Variants in CFTR observed in about 807,000 individuals in gnomAD.
The protein encoded by CFTR is CF transmembrane conductance regulator.
CFTR carries 181 observed loss-of-function variants against 171.6 expected under a neutral mutation model. That is an observed-to-expected ratio of 1.05 (90% CI 0.93 to 1.19). The LOEUF (loss-of-function observed/expected upper bound fraction) is 1.19, where lower values mean the gene tolerates loss of function less well. CFTR is among the 50% of genes most tolerant of loss of function. CFTR has a pLI of 0.00. For synonymous variants in CFTR, 583 were observed against 608.0 expected, an observed-to-expected ratio of 0.96 and a Z score of 0.60; for missense variants, 1,968 against 1,734.7, an observed-to-expected ratio of 1.13 and a Z score of -2.39.
rs1469024267 is a variant in CFTR at position 117,587,797 on chromosome 7, T to C, written c.1643T>C (p.Leu548Pro). The C allele has an allele frequency of 6.2e-7, 1 of 1,611,328 alleles. No individual in the cohort carries two copies. The highest frequency in any genetic ancestry group is 8.5e-7 in the Non-Finnish European group (1 of 1,177,676). Residue 548 changes from leucine (L) to proline (P), a missense_variant, in exon 12 of 27, where the codon CTG becomes CCG. Physicochemically the swap from Leu to Pro is moderately conservative, Grantham distance 98 (BLOSUM62 -3). Coordinates refer to ENST00000003084, the MANE Select transcript of CFTR (RefSeq NM_000492.4). Reference protein sequence around the residue: ...NIVLGEGGITLSGGQRARISL... With the variant: ...NIVLGEGGITPSGGQRARISL... The stretch of plus-strand genomic sequence containing the variant: ...GTTCTTGGAGAAGGTGGAATCACAC[T>C]GAGTGGAGGTCAACGAGCAAGAATT...
chr7:117,647,029 A>G (rs182371406), intron 23 of CFTR, among the ~76,000 whole-genome samples: 58 of 152,328 alleles, frequency 3.8e-4, no homozygotes, highest in African/African-American at 1.3e-3. Flanking sequence ...TTACAAAATT[A>G]TTCTCTATTT....
At chr7:117,521,999 T>C (rs984671412) in intron 3 of CFTR, among the ~76,000 whole-genome samples, 3 of 152,188 alleles carry the variant, frequency 2.0e-5, no homozygotes, top group African/African-American at 7.2e-5. Flanking sequence ...AGCTCTGGTC[T>C]TGAAGAACAT....
chr7:117,595,143 A>G, intron 15 of CFTR, 85 bp downstream of exon 15: 1 of 438,278 alleles, frequency 2.3e-6, no homozygotes, highest in Non-Finnish European at 3.2e-6. Context: ...ATGCACACAC[A>G]TAAATATGTA....
At chr7:117,535,525 ATTTTTT>A (rs764945997) in intron 6 of CFTR, 114 bp downstream of exon 6, 20 of 500,308 alleles carry the variant, frequency 4.0e-5, no homozygotes, top group East Asian at 7.7e-5. Context: ...GTGTCATTAA[ATTTTTT>A]TTTTTTTTTT....
At chr7:117,569,069 T>C (rs1487187859) in intron 11 of CFTR, among the ~76,000 whole-genome samples, 3 of 152,158 alleles carry the variant, frequency 2.0e-5, no homozygotes, top group Non-Finnish European at 4.4e-5. Context: ...TTAGAAGAGA[T>C]GTTTGGGCTG....
intron 11 of CFTR, among the ~76,000 whole-genome samples, chr7:117,569,989 C>T (rs927531730): frequency 1.3e-5 from 2 of 151,920 alleles, no homozygotes; most frequent in Non-Finnish European, 2.9e-5. Flanking sequence ...GTTTCAGCAT[C>T]AACAATAAAA....
chr7:117,667,264 G>C lies in CFTR; in HGVS notation c.*156G>C. On this transcript the variant is annotated 3_prime_UTR_variant, in exon 27 of 27. Coordinates refer to ENST00000003084, the MANE Select transcript of CFTR (RefSeq NM_000492.4). ...TTTAAAAAAGAAACATTTGGTAAGG[G>C]GAATTGAGGACACTGATATGGGTCT... The C allele has an allele frequency of 1.4e-6, 1 of 722,386 alleles. No homozygotes were observed. Among genetic ancestry groups the C allele is most frequent in the Non-Finnish European group, 2.5e-6 (1 of 406,422 alleles). The allele number at this position is 722,386 out of a possible 1,614,324, so 44.7% of individuals were successfully genotyped here.
At chr7:117,640,154 C>A (rs746497023) in intron 22 of CFTR, among the ~76,000 whole-genome samples, 2 of 152,052 alleles carry the variant, frequency 1.3e-5, no homozygotes, top group South Asian at 2.1e-4. Flanking sequence ...AGCTTATTTG[C>A]GGGAAGTACT....
Position 117,534,284 on chromosome 7 carries a change from G to A in CFTR, c.498G>A (p.Lys166=). The A allele has an allele frequency of 1.3e-6, 2 of 1,562,420 alleles. No homozygotes were observed. Among genetic ancestry groups the A allele is most frequent in the Non-Finnish European group, 1.8e-6 (2 of 1,134,214 alleles). ...TTCCATTTTTCTTTTAGACTTTAAA[G>A]CTGTCAAGCCGTGTTCTAGATAAAA... ...MFSLIYKKTL[K]LSSRVLDKIS... The change falls in exon 5 of 27, where the codon AAG becomes AAA. Residue 166 remains lysine (K), a synonymous_variant. Coordinates refer to ENST00000003084, the MANE Select transcript of CFTR (RefSeq NM_000492.4).
intron 6 of CFTR, 32 bp downstream of exon 6, chr7:117,535,443 T>A: frequency 6.2e-7 from 1 of 1,608,428 alleles, no homozygotes; most frequent in Non-Finnish European, 8.5e-7. Flanking sequence ...TTGAAAGTTT[T>A]AAAAATTATG....
intron 11 of CFTR, chr7:117,560,930 G>A (rs1042603597): frequency 3.3e-5 from 5 of 152,040 alleles, no homozygotes; most frequent in Non-Finnish European, 7.4e-5. Context: ...ATTTACTTAC[G>A]AGTGGAAAAG....
intron 1 of CFTR, among the ~76,000 whole-genome samples, chr7:117,501,781 A>AAAAAAAAAAAAAAAAAAAAAAACAAAC (rs1798335396): frequency 7.2e-6 from 1 of 139,006 alleles, no homozygotes; most frequent in Non-Finnish European, 1.6e-5. Flanking sequence ...AGAAACAAAA[A>AAAAAAAAAAAAAAAAAAAAAAACAAAC]AAAAAAAAAA....
At chr7:117,576,858 C>T (rs1584805878) in intron 11 of CFTR, among the ~76,000 whole-genome samples, 1 of 147,594 alleles carries the variant, frequency 6.8e-6, no homozygotes, top group African/African-American at 2.5e-5. Context: ...TTAATTGTCT[C>T]TGTTATCTAA....
intron 1 of CFTR, among the ~76,000 whole-genome samples, chr7:117,498,569 T>A (rs1236339711): frequency 6.6e-6 from 1 of 152,152 alleles, no homozygotes; most frequent in Non-Finnish European, 1.5e-5. Context: ...GAAAAATACA[T>A]CTGACTAAAT....
At chr7:117,612,035 A>ATATATATATATATG (rs1792408731) in intron 20 of CFTR, among the ~76,000 whole-genome samples, 1 of 74,244 alleles carries the variant, frequency 1.3e-5, no homozygotes, top group Non-Finnish European at 2.8e-5. Context: ...ATATATATAT[A>ATATATATATATATG]TATATATATA....
Position 117,649,956 on chromosome 7 carries a change from C to T in CFTR, c.3874-2886C>T, listed in dbSNP as rs35346641. Reference sequence around the variant, plus strand: ...GGAAGAAGGTAGGGAATGAGATTCCCAAGCAATAGGAATCCAATGTGTGAA... The same window carrying T: ...GGAAGAAGGTAGGGAATGAGATTCCTAAGCAATAGGAATCCAATGTGTGAA... On this transcript the variant is annotated intron_variant, in intron 23 of 26. Coordinates refer to ENST00000003084, the MANE Select transcript of CFTR (RefSeq NM_000492.4). Among the ~76,000 whole-genome samples the T allele has an allele frequency of 5.2e-3, 784 of 152,078 alleles. 9 individuals carry two copies. Among genetic ancestry groups the T allele is most frequent in the African/African-American group, 0.017 (709 of 41,484 alleles).
chr7:117,489,963 G>A (rs1798131694), intron 1 of CFTR, among the ~76,000 whole-genome samples: 2 of 151,954 alleles, frequency 1.3e-5, no homozygotes, highest in African/African-American at 4.8e-5. Context: ...CCCCATCTTG[G>A]TTGTTCCTGA....
intron 24 of CFTR, among the ~76,000 whole-genome samples, chr7:117,659,805 T>G (rs1793239199): frequency 6.6e-6 from 1 of 152,134 alleles, no homozygotes; most frequent in Non-Finnish European, 1.5e-5. Context: ...AAGTTGAAAA[T>G]TTACCCTGAA....
intron 3 of CFTR, among the ~76,000 whole-genome samples, chr7:117,517,744 C>A (rs559033626): frequency 6.6e-6 from 1 of 152,292 alleles, no homozygotes; most frequent in East Asian, 1.9e-4. Context: ...TTAATGATCA[C>A]CATTCTAACT....
Sources: allele counts gnomAD v4.1 joint callset (sites outside exome capture counted in the v4.1 genomes callset), GRCh38; gene constraint gnomAD v4.1.1; transcripts MANE v1.5; gene names NCBI Gene and HGNC (gene_info 2026-07-23, HGNC 2026-07-21).